ZNF169: variants seen among roughly 807,000 people sequenced by gnomAD.
ZNF169 encodes the protein zinc finger protein 169.
A neutral mutation model predicts 12.0 loss-of-function variants in ZNF169; 11 were observed. The observed-to-expected ratio is 0.92, with a 90% CI of 0.58 to 1.52. The LOEUF (loss-of-function observed/expected upper bound fraction) is 1.52, where lower values mean the gene tolerates loss of function less well. Among genes scored for constraint, ZNF169 ranks in the 40% most tolerant of loss-of-function variants. The pLI is 0.00. For synonymous variants in ZNF169, 302 were observed against 286.5 expected (o/e 1.05, Z -0.55); for missense variants, 722 against 744.0 (o/e 0.97, Z 0.34).
chr9:94,291,291 A>G (rs942697345), intron 2 of ZNF169, among the ~76,000 whole-genome samples: 2 of 151,770 alleles, frequency 1.3e-5, no homozygotes, highest in African/African-American at 4.8e-5. Context: ...TGACCTCATG[A>G]TCCACCCGCC....
rs772606288 is a variant in ZNF169 at position 94,287,184 on chromosome 9, C to A, written c.34-5157C>A. Among the ~76,000 whole-genome samples, 30 of 152,202 alleles carry A rather than the reference C, an allele frequency of 2.0e-4. 1 individual carries two copies. The highest frequency in any genetic ancestry group is 8.8e-5 in the Non-Finnish European group (6 of 68,042). On this transcript the variant is annotated intron_variant, in intron 2 of 4. Coordinates refer to ENST00000395395, the MANE Select transcript of ZNF169 (RefSeq NM_194320.4). The stretch of plus-strand genomic sequence containing the variant: ...GCCACCATGTTCCCTCCAAGTCTAC[C>A]ACTGAAAGAACCTTTTTTGGAATTG...
At position 94,300,016 on chromosome 9, in the gene ZNF169, TAAGA is replaced by T; in HGVS notation, c.463_466del (p.Lys155GlyfsTer18). 1 of 1,613,948 alleles carries T rather than the reference TAAGA, an allele frequency of 6.2e-7. No homozygotes were observed. The highest frequency in any genetic ancestry group is 8.5e-7 in the Non-Finnish European group (1 of 1,179,998). On this transcript the variant is annotated frameshift_variant, in exon 5 of 5. Coordinates refer to ENST00000395395, the MANE Select transcript of ZNF169 (RefSeq NM_194320.4). LOFTEE classifies it low-confidence loss of function (END_TRUNC). ...GAGACAGAAGGCCCCGACAGCTCAT[TAAGA>T]AAGAGGCCAAGCAGAATTTCTAGGA...
At chr9:94,259,594 G>A (rs191702886) in intron 1 of ZNF169, among the ~76,000 whole-genome samples, 2 of 152,300 alleles carry the variant, frequency 1.3e-5, no homozygotes, top group Non-Finnish European at 2.9e-5. Flanking sequence ...CGGGACTTTG[G>A]GCCCAGTATG....
intron 2 of ZNF169, 109 bp downstream of exon 2, chr9:94,278,954 C>T (rs1318647539): frequency 4.5e-5 from 48 of 1,057,538 alleles, no homozygotes; most frequent in Admixed American, 6.8e-5. Flanking sequence ...ATCTTGTAGG[C>T]GTGACTCATC....
chr9:94,293,197 G>T, intron 4 of ZNF169, 128 bp downstream of exon 4: 2 of 829,918 alleles, frequency 2.4e-6, no homozygotes, highest in Non-Finnish European at 4.0e-6. Context: ...ACTGGTAAAG[G>T]CTGCATGGCA....
intron 1 of ZNF169, among the ~76,000 whole-genome samples, chr9:94,263,668 C>G (rs1166186788): frequency 2.0e-5 from 3 of 152,090 alleles, no homozygotes; most frequent in African/African-American, 4.8e-5. Flanking sequence ...GGATTACAGG[C>G]ATGAGCCACC....
chr9:94,287,744 A>T (rs970032028), intron 2 of ZNF169: 1 of 1,382,352 alleles, frequency 7.2e-7, no homozygotes, highest in African/African-American at 1.4e-5. Context: ...GGCCACCAGC[A>T]TTGACGTTCT....
chr9:94,278,750 T>C lies in ZNF169; in HGVS notation c.-55-8T>C, dbSNP rs1371307492. On this transcript the variant is annotated splice_polypyrimidine_tract_variant and splice_region_variant and intron_variant, in intron 1 of 4. Transcript: ENST00000395395. Reference sequence around the variant, plus strand: ...AGTACCTCTCTCACTTCTCATCTCTTTCCCCAGATTTGCCTCTGCAACTTG... The same window carrying C: ...AGTACCTCTCTCACTTCTCATCTCTCTCCCCAGATTTGCCTCTGCAACTTG... 2.0e-6 allele frequency: 3 copies of C among 1,537,196 alleles called. No homozygotes were observed. The African/African-American group carries it at 4.1e-5, about 21-fold the overall frequency.
At chr9:94,259,553 A>C (rs1428560594) in intron 1 of ZNF169, among the ~76,000 whole-genome samples, 2 of 151,948 alleles carry the variant, frequency 1.3e-5, no homozygotes, top group African/African-American at 4.8e-5. Flanking sequence ...TCTGGTGGGG[A>C]GGGGGCGTTG....
At chr9:94,288,275 G>A (rs1371359871) in intron 2 of ZNF169, 13 of 813,644 alleles carry the variant, frequency 1.6e-5, no homozygotes, top group African/African-American at 1.0e-4. Context: ...TTCAGTTCAC[G>A]TGCAAGCTGA....
chr9:94,264,413 G>C (rs556404980), intron 1 of ZNF169, among the ~76,000 whole-genome samples: 55 of 152,268 alleles, frequency 3.6e-4, no homozygotes, highest in African/African-American at 1.3e-3. Context: ...GATTACAGAC[G>C]TGAGCCACCG....
At chr9:94,282,548 C>G (rs1433694696) in intron 2 of ZNF169, among the ~76,000 whole-genome samples, 1 of 152,164 alleles carries the variant, frequency 6.6e-6, no homozygotes, top group Non-Finnish European at 1.5e-5. Context: ...AGGAGGCAAA[C>G]AGATATGCAT....
At chr9:94,284,913 C>G (rs1041635238) in intron 2 of ZNF169, among the ~76,000 whole-genome samples, 1 of 151,782 alleles carries the variant, frequency 6.6e-6, no homozygotes, top group African/African-American at 2.4e-5. Context: ...TCATGGTACC[C>G]TGAATAGCCA....
chr9:94,285,915 G>A (rs1176889682), intron 2 of ZNF169, among the ~76,000 whole-genome samples: 1 of 152,088 alleles, frequency 6.6e-6, no homozygotes, highest in Admixed American at 6.6e-5. Flanking sequence ...GGAGGCTGAG[G>A]TAGGAGAATC....
intron 2 of ZNF169, chr9:94,287,815 C>G: frequency 8.7e-7 from 1 of 1,143,286 alleles, no homozygotes; most frequent in East Asian, 2.4e-5. Flanking sequence ...TGATTGTATC[C>G]TAAACCTCTC....
At position 94,300,554 on chromosome 9, in the gene ZNF169, C is replaced by T. The variant is rs1162123583; in HGVS notation, c.996C>T (p.Ala332=). ...ECGRGFRQKI[A]LLLHQRTHLE... ...GGCGAGGCTTTCGCCAGAAGATAGC[C>T]CTCCTTCTACACCAGAGGACGCACT... The change falls in exon 5 of 5, where the codon GCC becomes GCT. Residue 332 remains alanine (A), a synonymous_variant. Coordinates refer to ENST00000395395, the MANE Select transcript of ZNF169 (RefSeq NM_194320.4). The T allele has an allele frequency of 6.2e-7, 1 of 1,614,100 alleles. No homozygotes were observed.
At chr9:94,293,937 G>A (rs1000938007) in intron 4 of ZNF169, 4 of 152,222 alleles carry the variant, frequency 2.6e-5, no homozygotes, top group South Asian at 2.1e-4. Flanking sequence ...CCGTTCCTCC[G>A]CCTCTGTTTT....
chr9:94,274,248 A>C (rs1007261948), intron 1 of ZNF169, among the ~76,000 whole-genome samples: 1 of 152,176 alleles, frequency 6.6e-6, no homozygotes, highest in African/African-American at 2.4e-5. Flanking sequence ...GTGACATTCT[A>C]AGGTACTAGG....
In ZNF169 at chr9:94,300,150, G is replaced by C; in HGVS notation, c.592G>C (p.Asp198His). 6.2e-7 allele frequency: 1 copy of C among 1,614,158 alleles called. No homozygotes were observed. Among genetic ancestry groups the C allele is most frequent in the Non-Finnish European group, 8.5e-7 (1 of 1,180,028 alleles). Residue 198 changes from aspartate to histidine, a missense_variant, in exon 5 of 5, where the codon GAC (aspartate) becomes CAC (histidine). Physicochemically the swap from Asp to His is moderately conservative, Grantham distance 81. Transcript: ENST00000395395. ...CCAAAGGATGAGTCTTGGGGGGTCA[G>C]ACACAATGTTGAAGGGAGCAGACAC... ...LAQRMSLGGS[D>H]TMLKGADTSE...
Sources: gnomAD v4.1 joint callset for allele counts (sites outside exome capture counted in the v4.1 genomes callset) on GRCh38, gnomAD v4.1.1 for gene constraint, MANE v1.5 for transcripts, NCBI Gene and HGNC (gene_info 2026-07-23, HGNC 2026-07-21) for gene names.